The following MYO5A variants were observed in gnomAD, a reference collection of about 807,000 sequenced individuals.
MYO5A encodes the protein unconventional myosin-Va.
A neutral mutation model predicts 249.7 loss-of-function variants in MYO5A; 98 were observed. The ratio of observed to expected loss-of-function variants is 0.39; its 90% CI spans 0.33 to 0.46. MYO5A has a LOEUF of 0.46. Ranked by LOEUF, MYO5A falls within the 20% of genes least tolerant of loss-of-function variation. MYO5A has a pLI of 0.98. For missense variants in MYO5A, 1,696 were observed against 2,308.8 expected (o/e 0.73, Z 5.44); for synonymous variants, 778 against 810.6 (o/e 0.96, Z 0.68).
intron 35 of MYO5A, among the ~76,000 whole-genome samples, 196 bp from the exon 36 acceptor site, chr15:52,328,202 C>T (rs1051675572): frequency 6.6e-6 from 1 of 152,114 alleles, no homozygotes; most frequent in African/African-American, 2.4e-5. Flanking sequence ...TGACAACTCC[C>T]AAACTGATAT....
intron 1 of MYO5A, among the ~76,000 whole-genome samples, chr15:52,514,449 C>T (rs953374198): frequency 1.3e-5 from 2 of 152,064 alleles, no homozygotes; most frequent in African/African-American, 4.8e-5. Context: ...ACAGAAGGAA[C>T]ATCTTAGCCA....
intron 5 of MYO5A, among the ~76,000 whole-genome samples, chr15:52,412,014 A>C (rs1304039788): frequency 6.6e-6 from 1 of 152,198 alleles, no homozygotes; most frequent in Non-Finnish European, 1.5e-5. Context: ...CACAGCAAAA[A>C]GTCTGTATAT....
intron 1 of MYO5A, among the ~76,000 whole-genome samples, chr15:52,449,325 C>G (rs928322115): frequency 1.3e-5 from 2 of 152,124 alleles, no homozygotes; most frequent in African/African-American, 4.8e-5. Flanking sequence ...TGTTACAAAT[C>G]TTTCATGATC....
At chr15:52,356,819 A>ACCGAGTTTTGCTCTTG (rs1567047900) in intron 25 of MYO5A, among the ~76,000 whole-genome samples, 18 of 93,646 alleles carry the variant, frequency 1.9e-4, no homozygotes, top group African/African-American at 8.6e-4. Flanking sequence ...TTTTTTTTTT[A>ACCGAGTTTTGCTCTTG]TTTTCAGGAA....
intron 14 of MYO5A, among the ~76,000 whole-genome samples, chr15:52,386,466 G>C (rs755333578): frequency 1.3e-5 from 2 of 151,978 alleles, no homozygotes; most frequent in Non-Finnish European, 2.9e-5. Context: ...ATAATACTTA[G>C]AGATTGGCAT....
intron 1 of MYO5A, among the ~76,000 whole-genome samples, chr15:52,465,761 T>TAG (rs2076340088): frequency 6.6e-6 from 1 of 152,172 alleles, no homozygotes; most frequent in South Asian, 2.1e-4. Flanking sequence ...GATGGCTGAC[T>TAG]AGAGGCTTTT....
chr15:52,429,546 A>G (rs574742336), intron 2 of MYO5A, among the ~76,000 whole-genome samples: 151 of 152,174 alleles, frequency 9.9e-4, no homozygotes, highest in Non-Finnish European at 9.1e-4. Context: ...AAAATTATCC[A>G]GGCGTGGTGG....
At chr15:52,324,953 A>G (rs568750746) in intron 36 of MYO5A, among the ~76,000 whole-genome samples, 1 of 152,318 alleles carries the variant, frequency 6.6e-6, no homozygotes, top group Non-Finnish European at 1.5e-5. Context: ...TAGTCTTCCA[A>G]TGTAGGAGGA....
At chr15:52,430,929 AT>A (rs1042178709) in intron 2 of MYO5A, among the ~76,000 whole-genome samples, 1 of 151,762 alleles carries the variant, frequency 6.6e-6, no homozygotes, top group Non-Finnish European at 1.5e-5. Flanking sequence ...CACGGGTTTT[AT>A]TTTTTTTAAA....
intron 14 of MYO5A, among the ~76,000 whole-genome samples, chr15:52,384,557 A>G (rs1430791445): frequency 6.6e-6 from 1 of 152,240 alleles, no homozygotes; most frequent in African/African-American, 2.4e-5. Flanking sequence ...GGGGGAAAGC[A>G]AAGTCAAAAC....
At position 52,346,353 on chromosome 15, in the gene MYO5A, C is replaced by A. The variant is rs201334680; in HGVS notation, c.3959+8G>T. 6.6e-7 allele frequency: 1 copy of A among 1,524,630 alleles called. No homozygotes were observed. The highest frequency in any genetic ancestry group is 9.1e-7 in the Non-Finnish European group (1 of 1,101,342). 94.4% of individuals were successfully genotyped at this position (1,524,630 alleles called of 1,614,324 possible). A position where few individuals can be genotyped will look rare whatever the true frequency, so the allele number is the denominator to read the frequency against. ...AAACCAAAATGAATAAAAGAAGGAT[C>A]AACTTACCTATTTGTTTCTTTCAAA... On this transcript the variant is annotated splice_region_variant and intron_variant, in intron 30 of 41. Coordinates refer to ENST00000399233, the MANE Select transcript of MYO5A (RefSeq NM_001382347.1).
intron 1 of MYO5A, among the ~76,000 whole-genome samples, chr15:52,473,206 C>T (rs1247322527): frequency 6.6e-6 from 1 of 152,154 alleles, no homozygotes; most frequent in Non-Finnish European, 1.5e-5. Context: ...TGAGAAGTGT[C>T]TGTTCATATC....
chr15:52,400,529 C>T (rs1041069026), intron 9 of MYO5A, among the ~76,000 whole-genome samples: 3 of 152,168 alleles, frequency 2.0e-5, no homozygotes, highest in Admixed American at 6.5e-5. Flanking sequence ...GGATTCAATC[C>T]AGGATCATGC....
In MYO5A at chr15:52,385,489, T is replaced by C. The variant is rs1159863651; in HGVS notation, c.1753-1167A>G. On this transcript the variant is annotated intron_variant, in intron 14 of 41. Transcript: ENST00000399233. The stretch of plus-strand genomic sequence containing the variant: ...AATTTATTTATATGCTTCCTGATAT[T>C]AGATGTGGCCACAGAAGATTTCTTT... Among the ~76,000 whole-genome samples the C allele has an allele frequency of 2.6e-5, 4 of 152,162 alleles. No homozygotes were observed. In the East Asian group the frequency reaches 7.7e-4, roughly 29 times the overall value.
intron 1 of MYO5A, among the ~76,000 whole-genome samples, chr15:52,491,669 T>C (rs139951325): frequency 1.8e-4 from 27 of 152,370 alleles, no homozygotes; most frequent in African/African-American, 6.3e-4. Flanking sequence ...TTTAATCCCC[T>C]TTTATCCAAG....
At chr15:52,416,648 G>A (rs2043509543) in intron 4 of MYO5A, among the ~76,000 whole-genome samples, 1 of 152,122 alleles carries the variant, frequency 6.6e-6, no homozygotes, top group African/African-American at 2.4e-5. Flanking sequence ...GGAGATCTGT[G>A]CAGGGGGAAG....
chr15:52,381,418 A>C lies in MYO5A; in HGVS notation c.2013-1510T>G, dbSNP rs142160137. Among the ~76,000 whole-genome samples, 683 of 151,300 alleles carry C rather than the reference A, an allele frequency of 4.5e-3. 1 individual carries two copies. Among genetic ancestry groups the C allele is most frequent in the Non-Finnish European group, 7.6e-3 (517 of 67,812 alleles). ...GGGGTAGGGAAAAGGGCACTCATAC[A>C]CTGTGGAGGGGGTGAGGGGTGGGAG... On this transcript the variant is annotated intron_variant, in intron 16 of 41. Transcript: ENST00000399233.
At chr15:52,386,802 C>A (rs2041992834) in intron 14 of MYO5A, among the ~76,000 whole-genome samples, 1 of 152,160 alleles carries the variant, frequency 6.6e-6, no homozygotes, top group Non-Finnish European at 1.5e-5. Flanking sequence ...CCTGCCTCGG[C>A]CTCCCAAAGT....
At chr15:52,343,741 CT>C (rs2039486342) in intron 30 of MYO5A, among the ~76,000 whole-genome samples, 1 of 152,122 alleles carries the variant, frequency 6.6e-6, no homozygotes, top group African/African-American at 2.4e-5. Flanking sequence ...AGGTTCTCAG[CT>C]TTTATGACAT....
Sources: allele counts gnomAD v4.1 joint callset (sites outside exome capture counted in the v4.1 genomes callset), GRCh38; gene constraint gnomAD v4.1.1; transcripts MANE v1.5; gene names NCBI Gene and HGNC (gene_info 2026-07-23, HGNC 2026-07-21).